The following TMEM132A variants were observed in gnomAD, a reference collection of about 807,000 sequenced individuals.
The protein encoded by TMEM132A is GRP78-binding protein.
TMEM132A carries 48 observed loss-of-function variants against 69.9 expected under a neutral mutation model. The ratio of observed to expected loss-of-function variants is 0.69; its 90% CI spans 0.55 to 0.87. The LOEUF is 0.87. Among genes scored for constraint, TMEM132A ranks in the 40% least tolerant of loss-of-function variants. TMEM132A has a pLI of 0.00. For synonymous variants in TMEM132A, 577 were observed against 613.7 expected (o/e 0.94, Z 0.88); for missense variants, 1,287 against 1,407.2 (o/e 0.91, Z 1.37).
At position 60,936,659 on chromosome 11, in the gene TMEM132A, G is replaced by T; in HGVS notation, c.2824G>T (p.Gly942Trp). ...EAPTLAPGPP[G>W]GTTSSSSTLA... is the part of the protein sequence containing the mutation. ...CCCTACCCTGGCCCCTGGCCCTCCTGGGGGCACCACCAGCTCCTCAAGCAC... is the reference window on the plus strand; with the variant it reads ...CCCTACCCTGGCCCCTGGCCCTCCTTGGGGCACCACCAGCTCCTCAAGCAC... Residue 942 changes from glycine to tryptophan, a missense_variant, in exon 11 of 11, where the codon GGG (glycine) becomes TGG (tryptophan). By Grantham distance (184) the Gly-to-Trp change is radical. Coordinates refer to ENST00000453848, the MANE Select transcript of TMEM132A (RefSeq NM_178031.3). The T allele has an allele frequency of 6.4e-7, 1 of 1,552,980 alleles. No homozygotes were observed. Among genetic ancestry groups the T allele is most frequent in the South Asian group, 1.2e-5 (1 of 81,370 alleles).
chr11:60,935,492 G>C lies in TMEM132A; in HGVS notation c.2028+49G>C. On this transcript the variant is annotated intron_variant, in intron 10 of 10. Coordinates refer to ENST00000453848, the MANE Select transcript of TMEM132A (RefSeq NM_178031.3). The surrounding 1 kb of genome is among the most constrained non-coding windows in gnomAD (Gnocchi z 5.0). ...ATGAGGTCAACATCTCCAGATGGGGGCTCATGGTAGAGGGGAATGGGAGGA... is the reference window on the plus strand; with the variant it reads ...ATGAGGTCAACATCTCCAGATGGGGCCTCATGGTAGAGGGGAATGGGAGGA... 1.3e-6 allele frequency: 2 copies of C among 1,534,110 alleles called. No individual in the cohort carries two copies. Among genetic ancestry groups the C allele is most frequent in the Admixed American group, 3.9e-5 (2 of 50,866 alleles).
In TMEM132A at chr11:60,935,872, C is replaced by T; in HGVS notation, c.2037C>T (p.Ala679=). The T allele has an allele frequency of 6.2e-7, 1 of 1,611,798 alleles. No homozygotes were observed. The highest frequency in any genetic ancestry group is 8.5e-7 in the Non-Finnish European group (1 of 1,179,888). The change falls in exon 11 of 11, where the codon GCC becomes GCT. Residue 679 remains alanine (A), a synonymous_variant. Transcript: ENST00000453848. This position sits in a 1 kb window ranked among gnomAD's most constrained non-coding sequence, Gnocchi z 5.0. Reference sequence around the variant, plus strand: ...GTCTGTGTGCCCCACAGGAGGTGGCCCTCTCCCTATGGCTGTCCTTCTCTG... The same window carrying T: ...GTCTGTGTGCCCCACAGGAGGTGGCTCTCTCCCTATGGCTGTCCTTCTCTG... ...SALPAPKQEV[A]LSLWLSFSDH...
In TMEM132A at chr11:60,926,823, C is replaced by T. The variant is rs1452271151; in HGVS notation, c.101-381C>T. On this transcript the variant is annotated intron_variant, in intron 1 of 10. Coordinates refer to ENST00000453848, the MANE Select transcript of TMEM132A (RefSeq NM_178031.3). Reference sequence around the variant, plus strand: ...CACTTCATTACCATATTTTACTACACTGGCCCAGTCTGCCGACGGTTGCAC... The same window carrying T: ...CACTTCATTACCATATTTTACTACATTGGCCCAGTCTGCCGACGGTTGCAC... 2.0e-5 allele frequency among the ~76,000 whole-genome samples: 3 copies of T among 152,202 alleles called. No homozygotes were observed. In the East Asian group the frequency reaches 5.8e-4, roughly 29 times the overall value.
chr11:60,935,530 A>C lies in TMEM132A; in HGVS notation c.2028+87A>C, dbSNP rs1856574419. On this transcript the variant is annotated intron_variant, in intron 10 of 10. Coordinates refer to ENST00000453848, the MANE Select transcript of TMEM132A (RefSeq NM_178031.3). The surrounding 1 kb of genome is among the most constrained non-coding windows in gnomAD (Gnocchi z 5.0). Reference sequence around the variant, plus strand: ...GGGAATGGGAGGAAGGGACCCTGGTACCTCGACCCCTTAGGGTTTTCAGAG... The same window carrying C: ...GGGAATGGGAGGAAGGGACCCTGGTCCCTCGACCCCTTAGGGTTTTCAGAG... 7.3e-7 allele frequency: 1 copy of C among 1,374,718 alleles called. No individual in the cohort carries two copies. The highest frequency in any genetic ancestry group is 9.9e-7 in the Non-Finnish European group (1 of 1,006,230). The allele number at this position is 1,374,718 out of a possible 1,614,324, so 85.2% of individuals were successfully genotyped here.
rs753547149 is a variant in TMEM132A at position 60,936,472 on chromosome 11, A to G, written c.2637A>G (p.Glu879=). The G allele has an allele frequency of 3.1e-6, 5 of 1,613,714 alleles. No individual in the cohort carries two copies. The South Asian group carries it at 3.3e-5, about 11-fold the overall frequency. The change falls in exon 11 of 11, where the codon GAA becomes GAG. Residue 879 remains glutamate, a synonymous_variant. Coordinates refer to ENST00000453848, the MANE Select transcript of TMEM132A (RefSeq NM_178031.3). ...VVFVLRYQRK[E]PPDSATDPTS... ...TCGTCCTGCGCTATCAGCGCAAAGA[A>G]CCTCCCGACAGTGCCACTGACCCCA...
Position 60,935,484 on chromosome 11 carries a change from A to C in TMEM132A, c.2028+41A>C. On this transcript the variant is annotated intron_variant, in intron 10 of 10. Transcript: ENST00000453848. This position sits in a 1 kb window ranked among gnomAD's most constrained non-coding sequence, Gnocchi z 5.0. ...TCAGGGGGATGAGGTCAACATCTCC[A>C]GATGGGGGCTCATGGTAGAGGGGAA... is the stretch of plus-strand genomic sequence containing the variant. The C allele has an allele frequency of 1.3e-6, 2 of 1,547,266 alleles. No homozygotes were observed. Among genetic ancestry groups the C allele is most frequent in the Non-Finnish European group, 1.8e-6 (2 of 1,139,544 alleles).
intron 2 of TMEM132A, 30 bp from the exon 3 acceptor site, chr11:60,927,611 T>C (rs778078821): frequency 1.3e-6 from 2 of 1,584,246 alleles, no homozygotes; most frequent in South Asian, 2.2e-5. Context: ...CAAGCTCCTC[T>C]TTTGTTAAGC....
chr11:60,928,956 C>T lies in TMEM132A; in HGVS notation c.862C>T (p.Leu288=), dbSNP rs1268766204. 1 of 1,612,152 alleles carries T rather than the reference C, an allele frequency of 6.2e-7. No individual in the cohort carries two copies. The highest frequency in any genetic ancestry group is 1.7e-5 in the Admixed American group (1 of 60,026). The change falls in exon 4 of 11, where the codon CTG becomes TTG. Residue 288 remains leucine, a synonymous_variant. Coordinates refer to ENST00000453848, the MANE Select transcript of TMEM132A (RefSeq NM_178031.3). The stretch of plus-strand genomic sequence containing the variant: ...CAACTTCACAGCCAGCCTCCTGACC[C>T]TGCGGTGAGCACCAGGCCACGGGGA... The part of the protein sequence containing the change: ...RHNFTASLLT[L]RIKVKKGLHV...
intron 1 of TMEM132A, chr11:60,926,980 C>T: frequency 1.7e-6 from 1 of 600,586 alleles, no homozygotes; most frequent in Non-Finnish European, 3.0e-6. Context: ...GGGAAGCATC[C>T]AGTCCTGGAC....
In TMEM132A at chr11:60,927,001, A is replaced by T. The variant is rs978971497; in HGVS notation, c.101-203A>T. On this transcript the variant is annotated intron_variant, in intron 1 of 10. Coordinates refer to ENST00000453848, the MANE Select transcript of TMEM132A (RefSeq NM_178031.3). ...CATCCAGTCCTGGACTCAGATTCGA[A>T]TCCTGGCTTTGCTACATACTACCTG... 1.9e-5 allele frequency: 12 copies of T among 624,340 alleles called. No homozygotes were observed. The East Asian group carries it at 3.3e-4, about 17-fold the overall frequency. 38.7% of individuals were successfully genotyped at this position (624,340 alleles called of 1,614,324 possible). A position where few individuals can be genotyped will look rare whatever the true frequency, so the allele number is the denominator to read the frequency against.
At position 60,936,727 on chromosome 11, in the gene TMEM132A, G is replaced by A; in HGVS notation, c.2892G>A (p.Glu964=). ...KEAGGRRKRV[E]FVTFAPAPPA... ...CTGGGGGGCGGCGGAAGCGAGTAGA[G>A]TTTGTGACATTTGCGCCAGCCCCTC... Residue 964 remains glutamate, a synonymous_variant, in exon 11 of 11, where the codon GAG becomes GAA. Transcript: ENST00000453848. 5.0e-6 allele frequency: 8 copies of A among 1,596,446 alleles called. No homozygotes were observed. Among genetic ancestry groups the A allele is most frequent in the Non-Finnish European group, 6.8e-6 (8 of 1,172,090 alleles).
chr11:60,934,912 G>A, intron 9 of TMEM132A, 148 bp downstream of exon 9: 1 of 894,590 alleles, frequency 1.1e-6, no homozygotes, highest in Non-Finnish European at 1.6e-6. Flanking sequence ...TGGGATTGGG[G>A]ATAGGCTCAG....
At position 60,935,283 on chromosome 11, in the gene TMEM132A, G is replaced by A. The variant is rs1856566557; in HGVS notation, c.1868G>A (p.Gly623Glu). 6.2e-7 allele frequency: 1 copy of A among 1,612,234 alleles called. No homozygotes were observed. Among genetic ancestry groups the A allele is most frequent in the Non-Finnish European group, 8.5e-7 (1 of 1,179,620 alleles). Reference protein sequence around the residue: ...VRSPLSDSILGEQALAVTDDK... With the variant: ...VRSPLSDSILEEQALAVTDDK... The stretch of plus-strand genomic sequence containing the variant: ...TCCCCACTGTCTGACTCCATCCTGG[G>A]GGAGCAGGCGCTGGCTGTGACGGAC... Residue 623 changes from glycine (G) to glutamate (E), a missense_variant, in exon 10 of 11, where the codon GGG becomes GAG. Transcript: ENST00000453848. The surrounding 1 kb of genome is among the most constrained non-coding windows in gnomAD (Gnocchi z 5.0).
rs1378385022 is a variant in TMEM132A at position 60,930,578 on chromosome 11, A to G, written c.935A>G (p.Lys312Arg). 1.9e-5 allele frequency: 30 copies of G among 1,613,624 alleles called. No homozygotes were observed. Among genetic ancestry groups the G allele is most frequent in the Non-Finnish European group, 2.5e-5 (30 of 1,179,888 alleles). Reference sequence around the variant, plus strand: ...GCCCAGCCCACACTCTGGACTGCCAAGCTGGACCGCTTCAAGGGCTCCAGG... The same window carrying G: ...GCCCAGCCCACACTCTGGACTGCCAGGCTGGACCGCTTCAAGGGCTCCAGG... ...RPAQPTLWTAKLDRFKGSRHH... is the reference protein window; with the variant it reads ...RPAQPTLWTARLDRFKGSRHH... Residue 312 changes from lysine to arginine, a missense_variant, in exon 5 of 11, where the codon AAG (lysine) becomes AGG (arginine). Coordinates refer to ENST00000453848, the MANE Select transcript of TMEM132A (RefSeq NM_178031.3).
Position 60,936,494 on chromosome 11 carries a change from C to T in TMEM132A, c.2659C>T (p.Pro887Ser). 1 of 1,614,126 alleles carries T rather than the reference C, an allele frequency of 6.2e-7. No homozygotes were observed. Among genetic ancestry groups the T allele is most frequent in the Non-Finnish European group, 8.5e-7 (1 of 1,180,012 alleles). Residue 887 changes from proline to serine, a missense_variant, in exon 11 of 11, where the codon CCC becomes TCC. Transcript: ENST00000453848. ...AGAACCTCCCGACAGTGCCACTGACCCCACCTCCCCCCAGCCCCACAACTG... is the reference window on the plus strand; with the variant it reads ...AGAACCTCCCGACAGTGCCACTGACTCCACCTCCCCCCAGCCCCACAACTG... ...RKEPPDSATDPTSPQPHNWVW... is the reference protein window; with the variant it reads ...RKEPPDSATDSTSPQPHNWVW...
Position 60,937,133 on chromosome 11 carries a change from A to G in TMEM132A, c.*226A>G. ...TATTTATGGGAACCATTTCATTCTA[A>G]CAGAATAAACCGAGAAGGAAACCAG... On this transcript the variant is annotated 3_prime_UTR_variant, in exon 11 of 11. Transcript: ENST00000453848. The G allele has an allele frequency of 6.6e-7, 1 of 1,525,302 alleles. No individual in the cohort carries two copies. Among genetic ancestry groups the G allele is most frequent in the Non-Finnish European group, 8.8e-7 (1 of 1,134,586 alleles). The allele number at this position is 1,525,302 out of a possible 1,614,324, so 94.5% of individuals were successfully genotyped here.
Position 60,933,650 on chromosome 11 carries a change from A to C in TMEM132A, c.1465A>C (p.Thr489Pro), listed in dbSNP as rs376317499. The C allele has an allele frequency of 6.2e-7, 1 of 1,605,862 alleles. No homozygotes were observed. ...WRRLRASLRL[T>P]VWAPLLPLRI... ...CCGGCTCCGCGCCTCGCTGCGGCTG[A>C]CCGTGTGGGCCCCCCTGCTACCGCT... The change falls in exon 8 of 11, where the codon ACC becomes CCC. Residue 489 changes from threonine (T) to proline (P), a missense_variant. Coordinates refer to ENST00000453848, the MANE Select transcript of TMEM132A (RefSeq NM_178031.3).
rs367852444 is a variant in TMEM132A at position 60,929,270 on chromosome 11, G to A, written c.866+310G>A. 5.1e-4 allele frequency among the ~76,000 whole-genome samples: 77 copies of A among 152,322 alleles called. No individual in the cohort carries two copies. The South Asian group carries it at 0.012, about 24-fold the overall frequency. ...TGCAAGTCTCCAGGGAGGGGAACCC[G>A]CAAAGGGCTTAGAGACTGCAGTACC... On this transcript the variant is annotated intron_variant, in intron 4 of 10. Transcript: ENST00000453848.
chr11:60,927,771 A>G lies in TMEM132A; in HGVS notation c.446A>G (p.Asp149Gly). 6.2e-7 allele frequency: 1 copy of G among 1,613,134 alleles called. No individual in the cohort carries two copies. The highest frequency in any genetic ancestry group is 8.5e-7 in the Non-Finnish European group (1 of 1,180,024). The change falls in exon 3 of 11, where the codon GAT becomes GGT. Residue 149 changes from aspartate to glycine, a missense_variant. Transcript: ENST00000453848. ...GTTCTCTTCCACCTCAAAGGGCAGGATTGGCCACCAGGGTCTGGCAGCCTG... is the reference window on the plus strand; with the variant it reads ...GTTCTCTTCCACCTCAAAGGGCAGGGTTGGCCACCAGGGTCTGGCAGCCTG... ...ARVLFHLKGQ[D>G]WPPGSGSLPC...
Sources: allele counts gnomAD v4.1 joint callset (sites outside exome capture counted in the v4.1 genomes callset), GRCh38; gene constraint gnomAD v4.1.1; non-coding constraint Gnocchi (gnomAD v3.1); transcripts MANE v1.5; gene names NCBI Gene and HGNC (gene_info 2026-07-23, HGNC 2026-07-21).